PKD1L3: variants seen among roughly 807,000 people sequenced by gnomAD.
PKD1L3 encodes the protein polycystin-1-like protein 3.
PKD1L3 carries 239 observed loss-of-function variants against 184.1 expected under a neutral mutation model. That is an observed-to-expected ratio of 1.30 (90% CI 1.17 to 1.45). The LOEUF (loss-of-function observed/expected upper bound fraction) is 1.45, where lower values mean the gene tolerates loss of function less well. Among genes scored for constraint, PKD1L3 ranks in the 40% most tolerant of loss-of-function variants. The pLI is 0.00. For missense variants in PKD1L3, 2,660 were observed against 2,067.2 expected, an observed-to-expected ratio of 1.29 and a Z score of -5.56; for synonymous variants, 996 against 778.8, an observed-to-expected ratio of 1.28 and a Z score of -4.64.
At chr16:71,932,860 G>C (rs994774842) in intron 28 of PKD1L3, among the ~76,000 whole-genome samples, 3 of 141,786 alleles carry the variant, frequency 2.1e-5, no homozygotes, top group African/African-American at 8.0e-5. Context: ...GCTTATTGCA[G>C]CTTCCAACTC....
chr16:71,999,254 G>C (rs562670050), intron 1 of PKD1L3, among the ~76,000 whole-genome samples: 20 of 143,466 alleles, frequency 1.4e-4, no homozygotes, highest in Admixed American at 8.3e-4. Flanking sequence ...CTGGGCGACA[G>C]AGCGAGACTC....
Position 71,932,556 on chromosome 16 carries a change from C to G in PKD1L3, c.4926+864G>C, listed in dbSNP as rs956040066. The stretch of plus-strand genomic sequence containing the variant: ...TGGCACAATCTCAGCTCACTGCAAC[C>G]TCCGCCTGCCAGGTTAAGGCAATTC... On this transcript the variant is annotated intron_variant, in intron 28 of 29. Coordinates refer to ENST00000620267, the MANE Select transcript of PKD1L3 (RefSeq NM_181536.2). Among the ~76,000 whole-genome samples, 3 of 152,108 alleles carry G rather than the reference C, an allele frequency of 2.0e-5. No homozygotes were observed. The East Asian group carries it at 5.8e-4, about 30-fold the overall frequency.
rs1319091716 is a variant in PKD1L3 at position 71,973,499 on chromosome 16, A to G, written c.1778T>C (p.Val593Ala). 6.4e-7 allele frequency: 1 copy of G among 1,551,790 alleles called. No individual in the cohort carries two copies. Among genetic ancestry groups the G allele is most frequent in the Admixed American group, 2.0e-5 (1 of 50,974 alleles). The change falls in exon 12 of 30, where the codon GTG becomes GCG. Residue 593 changes from valine to alanine, a missense_variant. Transcript: ENST00000620267. ...VWQKDEEYTW[V>A]LNPEHLQHGI... The stretch of plus-strand genomic sequence containing the variant: ...GTGCTGCAGATGCTCTGGATTCAGC[A>G]CCCACGTGTACTCCTCATCTTAGAA...
At chr16:71,986,956 A>C (rs2040395283) in intron 4 of PKD1L3, among the ~76,000 whole-genome samples, 1 of 111,632 alleles carries the variant, frequency 9.0e-6, no homozygotes, top group Non-Finnish European at 1.6e-5. Flanking sequence ...ACAGAGTCTC[A>C]CTCTGTCTCC....
chr16:71,943,322 A>T (rs1388810041), intron 23 of PKD1L3, among the ~76,000 whole-genome samples: 1 of 152,056 alleles, frequency 6.6e-6, no homozygotes, highest in Non-Finnish European at 1.5e-5. Flanking sequence ...AGATCACCTG[A>T]GGTCAGGAGT....
chr16:71,949,501 A>G (rs1445577664), intron 21 of PKD1L3, among the ~76,000 whole-genome samples: 1 of 151,816 alleles, frequency 6.6e-6, no homozygotes, highest in Non-Finnish European at 1.5e-5. Context: ...ATAGGAGCAC[A>G]CCACCATGCC....
rs1377159875 is a variant in PKD1L3 at position 71,982,161 on chromosome 16, C to T, written c.1041G>A (p.Leu347=). 5 of 1,551,428 alleles carry T rather than the reference C, an allele frequency of 3.2e-6. No homozygotes were observed. Among genetic ancestry groups the T allele is most frequent in the South Asian group, 2.4e-5 (2 of 84,016 alleles). The change falls in exon 7 of 30, where the codon CTG becomes CTA. Residue 347 remains leucine (L), a synonymous_variant. Coordinates refer to ENST00000620267, the MANE Select transcript of PKD1L3 (RefSeq NM_181536.2). ...LRIPFQNNNS[L]GFKVPPTVCP... is the part of the protein sequence containing the mutation. ...AGACAGTTGGAGGAACTTTGAAGCCCAGACTGTTGTTGTTCTGAAATGGGA... is the reference window on the plus strand; with the variant it reads ...AGACAGTTGGAGGAACTTTGAAGCCTAGACTGTTGTTGTTCTGAAATGGGA...
chr16:71,983,975 T>C, intron 6 of PKD1L3, 61 bp downstream of exon 6: 2 of 1,536,706 alleles, frequency 1.3e-6, no homozygotes, highest in Non-Finnish European at 1.8e-6. Context: ...AGATTCTCTT[T>C]TTCTGTTTTC....
In PKD1L3 at chr16:71,978,295, C is replaced by T. The variant is rs1030970822; in HGVS notation, c.1487G>A (p.Arg496His). ...SIGSVLLSAN[R>H]KLLQVHDLME... ...TAAATCATGGACTTGGAGCAATTTA[C>T]GATTAGCGCTTAGTAACACACTTCC... Residue 496 changes from arginine to histidine, a missense_variant, in exon 10 of 30, where the codon CGT becomes CAT. Physicochemically the swap from Arg to His is conservative, Grantham distance 29. Coordinates refer to ENST00000620267, the MANE Select transcript of PKD1L3 (RefSeq NM_181536.2). 21 of 1,550,038 alleles carry T rather than the reference C, an allele frequency of 1.4e-5. No homozygotes were observed. The highest frequency in any genetic ancestry group is 9.8e-5 in the East Asian group (4 of 40,808).
At chr16:71,989,133 G>C (rs566702271) in intron 4 of PKD1L3, among the ~76,000 whole-genome samples, 2 of 152,116 alleles carry the variant, frequency 1.3e-5, no homozygotes, top group Admixed American at 1.3e-4. Flanking sequence ...AGAAAACAGC[G>C]TGGGAAATAC....
At position 71,958,595 on chromosome 16, in the gene PKD1L3, A is replaced by C. The variant is rs1288967822; in HGVS notation, c.2613-4294T>G. Among the ~76,000 whole-genome samples the C allele has an allele frequency of 2.6e-5, 4 of 151,540 alleles. No individual in the cohort carries two copies. The East Asian group carries it at 7.8e-4, about 30-fold the overall frequency. On this transcript the variant is annotated intron_variant, in intron 16 of 29. Transcript: ENST00000620267. ...CAGGAGTTTGAGACCAGCCTGGCCA[A>C]CATGGTGAAACCCCATCTCTACTAA...
At position 71,984,016 on chromosome 16, in the gene PKD1L3, C is replaced by T. The variant is rs1230881060; in HGVS notation, c.966+20G>A. Reference sequence around the variant, plus strand: ...TTCCCTCTCTCCTACCTTCTTCCCTCCCAGTCACCCTCCACTTACCTGAGC... The same window carrying T: ...TTCCCTCTCTCCTACCTTCTTCCCTTCCAGTCACCCTCCACTTACCTGAGC... On this transcript the variant is annotated intron_variant, in intron 6 of 29. Transcript: ENST00000620267. 5 of 1,551,020 alleles carry T rather than the reference C, an allele frequency of 3.2e-6. No individual in the cohort carries two copies. The highest frequency in any genetic ancestry group is 4.4e-6 in the Non-Finnish European group (5 of 1,146,462).
rs918880840 is a variant in PKD1L3 at position 71,949,906 on chromosome 16, G to A, written c.3495C>T (p.Ser1165=). 1 of 1,551,670 alleles carries A rather than the reference G, an allele frequency of 6.4e-7. No individual in the cohort carries two copies. The highest frequency in any genetic ancestry group is 8.7e-7 in the Non-Finnish European group (1 of 1,146,996). Residue 1165 remains serine, a synonymous_variant, in exon 21 of 30, where the codon AGC becomes AGT. Transcript: ENST00000620267. ...SVCWLLLGFT[S]LASAFFTALY... ...GTGCTGTAAAAAAGGCTGAAGCCAG[G>A]CTAGTGAAACCTAAGAGGAGCCAGC...
chr16:71,930,039 T>G lies in PKD1L3; in HGVS notation c.5058+13A>C. On this transcript the variant is annotated intron_variant, in intron 29 of 29. Transcript: ENST00000620267. ...GATATAACAGCATGCTAGTTTATCTTTTAGTTACCTACCTTAAGCGACTTT... is the reference window on the plus strand; with the variant it reads ...GATATAACAGCATGCTAGTTTATCTGTTAGTTACCTACCTTAAGCGACTTT... The G allele has an allele frequency of 6.5e-7, 1 of 1,544,828 alleles. No individual in the cohort carries two copies. The highest frequency in any genetic ancestry group is 8.7e-7 in the Non-Finnish European group (1 of 1,144,548).
chr16:72,000,059 CTTA>C lies in PKD1L3; in HGVS notation c.-84_-82del, dbSNP rs1467917171. On this transcript the variant is annotated 5_prime_UTR_variant, in exon 1 of 30. Transcript: ENST00000620267. ...TAAATATATATATTGGCGGGCTTGT[CTTA>C]TTAGTATTATTCTTTTATGAATTGG... The C allele has an allele frequency of 1.2e-5, 14 of 1,171,196 alleles. No individual in the cohort carries two copies. The East Asian group carries it at 3.8e-4, about 31-fold the overall frequency. The allele number at this position is 1,171,196 out of a possible 1,614,324, so 72.6% of individuals were successfully genotyped here. A position where few individuals can be genotyped will look rare whatever the true frequency, so the allele number is the denominator to read the frequency against.
intron 10 of PKD1L3, 34 bp downstream of exon 10, chr16:71,978,220 CT>C: frequency 6.5e-7 from 1 of 1,533,278 alleles, no homozygotes; most frequent in Non-Finnish European, 8.8e-7. Context: ...ATATCCCATT[CT>C]CTTCTATTTT....
intron 25 of PKD1L3, 43 bp from the exon 26 acceptor site, chr16:71,935,561 T>A: frequency 2.6e-6 from 4 of 1,525,608 alleles, no homozygotes; most frequent in Non-Finnish European, 3.5e-6. Context: ...TCTGAGAGAT[T>A]AGCTAGGTCT....
At chr16:71,963,711 A>G (rs1347757283) in intron 15 of PKD1L3, among the ~76,000 whole-genome samples, 3 of 152,146 alleles carry the variant, frequency 2.0e-5, no homozygotes, top group African/African-American at 7.2e-5. Context: ...TGAGCCCGGG[A>G]GGTCAAGGCT....
chr16:72,000,059 C>A lies in PKD1L3; in HGVS notation c.-81G>T. The A allele has an allele frequency of 8.5e-7, 1 of 1,171,314 alleles. No individual in the cohort carries two copies. The highest frequency in any genetic ancestry group is 2.7e-5 in the East Asian group (1 of 37,202). 72.6% of individuals were successfully genotyped at this position (1,171,314 alleles called of 1,614,324 possible). ...TAAATATATATATTGGCGGGCTTGT[C>A]TTATTAGTATTATTCTTTTATGAAT... On this transcript the variant is annotated 5_prime_UTR_variant, in exon 1 of 30. Coordinates refer to ENST00000620267, the MANE Select transcript of PKD1L3 (RefSeq NM_181536.2).
Sources: allele counts gnomAD v4.1 joint callset (sites outside exome capture counted in the v4.1 genomes callset), GRCh38; gene constraint gnomAD v4.1.1; transcripts MANE v1.5; gene names NCBI Gene and HGNC (gene_info 2026-07-23, HGNC 2026-07-21).